The following FAT3 variants were observed in gnomAD, a reference collection of about 807,000 sequenced individuals.
FAT3 encodes the protein protocadherin Fat 3.
Under a neutral mutation model 310.2 loss-of-function variants are expected in FAT3, and 95 were observed. The ratio of observed to expected loss-of-function variants is 0.31; its 90% CI spans 0.26 to 0.36. The LOEUF (loss-of-function observed/expected upper bound fraction) is 0.36. Ranked by LOEUF, FAT3 falls within the 10% of genes least tolerant of loss-of-function variation. The pLI is 1.00. For synonymous variants in FAT3, 2,314 were observed against 2,192.9 expected (o/e 1.06, Z -1.54); for missense variants, 5,408 against 5,715.6 (o/e 0.95, Z 1.74).
intron 1 of FAT3, among the ~76,000 whole-genome samples, chr11:92,324,162 C>A (rs1947705311): frequency 6.6e-6 from 1 of 152,306 alleles, no homozygotes; most frequent in Non-Finnish European, 1.5e-5. Context: ...TCCATATCAG[C>A]AATAAGGCTG....
At chr11:92,395,263 A>G (rs1949842269) in intron 2 of FAT3, among the ~76,000 whole-genome samples, 2 of 152,182 alleles carry the variant, frequency 1.3e-5, no homozygotes, top group Admixed American at 6.5e-5. Flanking sequence ...GACAGTATTG[A>G]CATTGTTCAG....
chr11:92,871,953 G>A (rs34445982), intron 22 of FAT3, among the ~76,000 whole-genome samples: 11 of 151,504 alleles, frequency 7.3e-5, no homozygotes, highest in Non-Finnish European at 1.5e-5. Context: ...AGTCGGATGC[G>A]CAGCCTGCAC....
intron 1 of FAT3, among the ~76,000 whole-genome samples, chr11:92,347,173 A>G (rs1238649688): frequency 6.6e-6 from 1 of 152,168 alleles, no homozygotes. Context: ...TCAAGTGCCA[A>G]GGTGCATGTT....
intron 4 of FAT3, among the ~76,000 whole-genome samples, chr11:92,728,553 C>G (rs1458255472): frequency 2.0e-5 from 3 of 152,008 alleles, no homozygotes; most frequent in African/African-American, 7.3e-5. Context: ...TATTTGTTTT[C>G]TGGGGCTGCT....
At chr11:92,809,519 C>T (rs1427381148) in intron 12 of FAT3, among the ~76,000 whole-genome samples, 1 of 152,164 alleles carries the variant, frequency 6.6e-6, no homozygotes, top group Admixed American at 6.5e-5. Flanking sequence ...GACTGATCTC[C>T]AGAGTAGATC....
At position 92,730,183 on chromosome 11, in the gene FAT3, TA is replaced by T. The variant is rs1945135416; in HGVS notation, c.3670-31671del. Among the ~76,000 whole-genome samples the T allele has an allele frequency of 2.0e-5, 3 of 152,042 alleles. No homozygotes were observed. In the South Asian group the frequency reaches 6.3e-4, roughly 32 times the overall value. The stretch of plus-strand genomic sequence containing the variant: ...AGACCCCCATCTCTACAAAAACCTT[TA>T]ATAATTGGCCAGTCATGGTGGCTCA... On this transcript the variant is annotated intron_variant, in intron 4 of 27. Coordinates refer to ENST00000525166, the MANE Select transcript of FAT3 (RefSeq NM_001367949.2).
intron 2 of FAT3, among the ~76,000 whole-genome samples, chr11:92,480,865 G>A (rs1174467954): frequency 6.6e-6 from 1 of 152,192 alleles, no homozygotes; most frequent in Non-Finnish European, 1.5e-5. Flanking sequence ...TTTCATGAAT[G>A]GGACAGTAAG....
intron 1 of FAT3, among the ~76,000 whole-genome samples, chr11:92,276,109 A>G (rs746477516): frequency 3.3e-5 from 5 of 152,180 alleles, no homozygotes; most frequent in South Asian, 2.1e-4. Flanking sequence ...TTGAATTTGC[A>G]TGGGCAAATA....
chr11:92,279,371 A>T lies in FAT3; in HGVS notation c.-18+54197A>T, dbSNP rs187563034. Among the ~76,000 whole-genome samples the T allele has an allele frequency of 2.6e-4, 40 of 152,280 alleles. No homozygotes were observed. The East Asian group carries it at 7.0e-3, about 27-fold the overall frequency. ...ATCAATCACCAAATCTTGTAGATTC[A>T]AGCAGCTTAATATCCTTTGTATGTA... On this transcript the variant is annotated intron_variant, in intron 1 of 27. Coordinates refer to ENST00000525166, the MANE Select transcript of FAT3 (RefSeq NM_001367949.2).
chr11:92,868,083 A>G (rs1203646359), intron 22 of FAT3, among the ~76,000 whole-genome samples: 2 of 152,178 alleles, frequency 1.3e-5, no homozygotes, highest in South Asian at 2.1e-4. Flanking sequence ...CCACCTCGCA[A>G]CAGCCCAACC....
chr11:92,250,986 T>C (rs1266789483), intron 1 of FAT3, among the ~76,000 whole-genome samples: 1 of 152,182 alleles, frequency 6.6e-6, no homozygotes, highest in Non-Finnish European at 1.5e-5. Flanking sequence ...TGGAGTGATG[T>C]GATAAAGATA....
In FAT3 at chr11:92,747,056, T is replaced by C. The variant is rs373678553; in HGVS notation, c.3670-14800T>C. On this transcript the variant is annotated intron_variant, in intron 4 of 27. Transcript: ENST00000525166. Reference sequence around the variant, plus strand: ...TCTGGGGTTTGGAGGACAGTGGCCCTCTTCTCACAGTTCCACTAGGCAGTG... The same window carrying C: ...TCTGGGGTTTGGAGGACAGTGGCCCCCTTCTCACAGTTCCACTAGGCAGTG... Among the ~76,000 whole-genome samples the C allele has an allele frequency of 2.6e-5, 4 of 152,282 alleles. No homozygotes were observed. In the East Asian group the frequency reaches 5.8e-4, roughly 22 times the overall value.
chr11:92,873,225 A>G (rs2136372736), intron 22 of FAT3, among the ~76,000 whole-genome samples: 2 of 152,308 alleles, frequency 1.3e-5, no homozygotes, highest in Middle Eastern at 6.8e-3. Flanking sequence ...CCTAGAGGTC[A>G]GGCCATGGTC....
intron 1 of FAT3, among the ~76,000 whole-genome samples, chr11:92,292,383 G>A (rs889760832): frequency 6.6e-6 from 1 of 152,038 alleles, no homozygotes; most frequent in African/African-American, 2.4e-5. Flanking sequence ...TGTACCTCCA[G>A]AGTAGTTTCA....
intron 3 of FAT3, among the ~76,000 whole-genome samples, chr11:92,533,073 G>T (rs891690100): frequency 6.6e-6 from 1 of 152,072 alleles, no homozygotes; most frequent in South Asian, 2.1e-4. Flanking sequence ...TCCCGCTGTT[G>T]CCCAGGCTGG....
intron 2 of FAT3, among the ~76,000 whole-genome samples, chr11:92,461,557 A>G (rs769723470): frequency 1.3e-5 from 2 of 152,180 alleles, no homozygotes; most frequent in African/African-American, 2.4e-5. Flanking sequence ...ACAGACACAC[A>G]GATGAGCTGA....
At chr11:92,741,434 A>G (rs755072461) in intron 4 of FAT3, among the ~76,000 whole-genome samples, 8 of 152,222 alleles carry the variant, frequency 5.3e-5, no homozygotes, top group Non-Finnish European at 8.8e-5. Flanking sequence ...ATAAATTCTG[A>G]AGGAACACAG....
At chr11:92,860,345 C>T (rs1332221945) in intron 21 of FAT3, among the ~76,000 whole-genome samples, 1 of 152,210 alleles carries the variant, frequency 6.6e-6, no homozygotes, top group Non-Finnish European at 1.5e-5. Context: ...ACTCTAGTCT[C>T]TCTCACTCCA....
At chr11:92,839,202 G>A (rs180868443) in intron 17 of FAT3, among the ~76,000 whole-genome samples, 19 of 152,334 alleles carry the variant, frequency 1.2e-4, no homozygotes, top group African/African-American at 2.6e-4. Flanking sequence ...GTGAAAGCAC[G>A]GAGAGGCTCA....
Sources: allele counts gnomAD v4.1 joint callset (sites outside exome capture counted in the v4.1 genomes callset), GRCh38; gene constraint gnomAD v4.1.1; transcripts MANE v1.5; gene names NCBI Gene and HGNC (gene_info 2026-07-23, HGNC 2026-07-21).